Variants in PTPN3 observed in about 807,000 individuals in gnomAD.
PTPN3 encodes the protein tyrosine-protein phosphatase non-receptor type 3.
PTPN3 carries 96 observed loss-of-function variants against 132.7 expected under a neutral mutation model. The ratio of observed to expected loss-of-function variants is 0.72; its 90% CI spans 0.61 to 0.86. The LOEUF is 0.86. Among genes scored for constraint, PTPN3 ranks in the 40% least tolerant of loss-of-function variants. PTPN3 has a pLI of 0.00. For synonymous variants in PTPN3, 398 were observed against 429.0 expected, an observed-to-expected ratio of 0.93 and a Z score of 0.89; for missense variants, 1,125 against 1,159.6, an observed-to-expected ratio of 0.97 and a Z score of 0.43.
At chr9:109,536,388 A>C in the PTPN3 span, among the ~76,000 whole-genome samples, 1 of 152,220 alleles carries the variant, frequency 6.6e-6, no homozygotes, top group African/African-American at 2.4e-5. Flanking sequence ...TGGGTCACAC[A>C]GTAATTCCGT....
chr9:109,422,708 G>A lies in PTPN3; in HGVS notation c.1136+10C>T, dbSNP rs1158642486. ...TGGGTAGTACAAAAAAAAAAAAAAG[G>A]AGGACATACCAGTTGGGAGTAATGG... On this transcript the variant is annotated intron_variant, in intron 13 of 25. Coordinates refer to ENST00000374541, the MANE Select transcript of PTPN3 (RefSeq NM_002829.4). 1.3e-6 allele frequency: 2 copies of A among 1,565,590 alleles called. No homozygotes were observed. The highest frequency in any genetic ancestry group is 1.2e-5 in the South Asian group (1 of 83,490).
intron 22 of PTPN3, among the ~76,000 whole-genome samples, chr9:109,383,763 C>A (rs1027694016): frequency 6.6e-6 from 1 of 152,162 alleles, no homozygotes; most frequent in African/African-American, 2.4e-5. Context: ...CGCTCAGCCC[C>A]AGGCTGCAGC....
intron 1 of PTPN3, among the ~76,000 whole-genome samples, chr9:109,490,147 C>T (rs1847392127): frequency 6.6e-6 from 1 of 151,994 alleles, no homozygotes; most frequent in African/African-American, 2.4e-5. Context: ...CGCGCCACTG[C>T]ACTCTAGCCT....
rs745847175 is a variant in PTPN3 at position 109,410,194 on chromosome 9, G to A, written c.1500+35C>T. Reference sequence around the variant, plus strand: ...CCCACAAGAGGCCGGGAAGCCCTGGGTGTGTGGATCACCCGGCTGCCTGCG... The same window carrying A: ...CCCACAAGAGGCCGGGAAGCCCTGGATGTGTGGATCACCCGGCTGCCTGCG... On this transcript the variant is annotated intron_variant, in intron 15 of 25. Transcript: ENST00000374541. 2.2e-5 allele frequency: 36 copies of A among 1,611,688 alleles called. No homozygotes were observed. The Admixed American group carries it at 5.5e-4, about 25-fold the overall frequency.
chr9:109,450,228 T>G (rs1845160591), intron 5 of PTPN3: 2 of 985,232 alleles, frequency 2.0e-6, no homozygotes, highest in Admixed American at 6.1e-5. Context: ...ATAACATACA[T>G]TTGCTGATTC....
At chr9:109,452,385 G>A (rs376848500) in intron 5 of PTPN3, among the ~76,000 whole-genome samples, 7 of 151,190 alleles carry the variant, frequency 4.6e-5, no homozygotes, top group South Asian at 2.1e-4. Context: ...ACTGTATTCT[G>A]AAACAAAATA....
At chr9:109,388,264 A>C (rs1839766573) in intron 22 of PTPN3, among the ~76,000 whole-genome samples, 1 of 152,198 alleles carries the variant, frequency 6.6e-6, no homozygotes, top group South Asian at 2.1e-4. Flanking sequence ...CTGTCATCCA[A>C]GAGTTTGCAA....
chr9:109,449,487 A>T (rs1323290169), intron 5 of PTPN3: 15 of 985,396 alleles, frequency 1.5e-5, no homozygotes, highest in Non-Finnish European at 1.8e-5. Context: ...AGCAAATGTA[A>T]CTTCCAAACT....
intron 7 of PTPN3, among the ~76,000 whole-genome samples, chr9:109,443,063 C>A (rs961602101): frequency 6.6e-6 from 1 of 150,770 alleles, no homozygotes; most frequent in African/African-American, 2.4e-5. Context: ...AACTGGCCAC[C>A]GGAGACATCA....
the PTPN3 span, among the ~76,000 whole-genome samples, chr9:109,510,576 A>AAAAAAAAAAATATATAT: frequency 6.3e-5 from 3 of 47,324 alleles, no homozygotes; most frequent in African/African-American, 2.2e-4. Flanking sequence ...AAAAAAAAAA[A>AAAAAAAAAAATATATAT]ATATATATAT....
chr9:109,453,845 TAAA>T lies in PTPN3; in HGVS notation c.368+648_368+650del, dbSNP rs11353536. On this transcript the variant is annotated intron_variant, in intron 5 of 25. Coordinates refer to ENST00000374541, the MANE Select transcript of PTPN3 (RefSeq NM_002829.4). ...GACGACATGGAAACCCCATCTCCGTTAAAAAAAAAAAAAAAAAAAATTAGCCAG... is the reference window on the plus strand; with the variant it reads ...GACGACATGGAAACCCCATCTCCGTTAAAAAAAAAAAAAAAAATTAGCCAG... Among the ~76,000 whole-genome samples the T allele has an allele frequency of 3.4e-3, 467 of 135,606 alleles. 1 individual carries two copies. Among genetic ancestry groups the T allele is most frequent in the African/African-American group, 8.7e-3 (315 of 36,332 alleles). 89.0% of individuals were successfully genotyped at this position (135,606 alleles called of 152,430 possible). A position where few individuals can be genotyped will look rare whatever the true frequency, so the allele number is the denominator to read the frequency against.
chr9:109,422,947 G>C, intron 12 of PTPN3, 95 bp from the exon 13 acceptor site: 2 of 1,463,628 alleles, frequency 1.4e-6, no homozygotes, highest in Non-Finnish European at 1.9e-6. Flanking sequence ...CTTCTTGTCT[G>C]AAGGACGGCA....
chr9:109,447,436 C>T (rs893262255), intron 6 of PTPN3, among the ~76,000 whole-genome samples: 3 of 152,124 alleles, frequency 2.0e-5, no homozygotes, highest in African/African-American at 2.4e-5. Context: ...AATGCTGCCT[C>T]ATGAAAGGGT....
At chr9:109,393,570 A>G (rs1450390076) in intron 19 of PTPN3, among the ~76,000 whole-genome samples, 2 of 151,888 alleles carry the variant, frequency 1.3e-5, no homozygotes. Flanking sequence ...TATTTTTAGT[A>G]GAGACAGGGT....
chr9:109,517,573 A>G, the PTPN3 span, among the ~76,000 whole-genome samples: 1 of 152,184 alleles, frequency 6.6e-6, no homozygotes, highest in Non-Finnish European at 1.5e-5. Context: ...CAAGCCTCAT[A>G]GGTATTTGAT....
chr9:109,428,645 G>T lies in PTPN3; in HGVS notation c.804C>A (p.Phe268Leu), dbSNP rs1564431249. The T allele has an allele frequency of 4.3e-6, 7 of 1,613,756 alleles. No homozygotes were observed. The highest frequency in any genetic ancestry group is 5.9e-6 in the Non-Finnish European group (7 of 1,179,808). ...CCTGTTTCTGTCGCTGATGTATGAA[G>T]AACTTTTTCCTTTTGAAAGAAATTT... ...ILKISFKRKK[F>L]FIHQRQKQAE... Residue 268 changes from phenylalanine to leucine, a missense_variant, in exon 11 of 26, where the codon TTC becomes TTA. Transcript: ENST00000374541.
At chr9:109,477,094 G>C (rs192659961) in intron 1 of PTPN3, among the ~76,000 whole-genome samples, 3 of 148,724 alleles carry the variant, frequency 2.0e-5, no homozygotes, top group Non-Finnish European at 4.4e-5. Flanking sequence ...AAGCTCAGGT[G>C]GGGGCATCAC....
chr9:109,412,060 GT>G, intron 14 of PTPN3, among the ~76,000 whole-genome samples: 1 of 152,274 alleles, frequency 6.6e-6, no homozygotes, highest in East Asian at 1.9e-4. Context: ...GGGTTTCACT[GT>G]TTACAAGAGC....
At chr9:109,482,831 G>A (rs1171079425) in intron 1 of PTPN3, among the ~76,000 whole-genome samples, 2 of 152,114 alleles carry the variant, frequency 1.3e-5, no homozygotes, top group African/African-American at 4.8e-5. Flanking sequence ...ACAAGTTACT[G>A]AACCTCACTG....
Sources: gnomAD v4.1 joint callset for allele counts (sites outside exome capture counted in the v4.1 genomes callset) on GRCh38, gnomAD v4.1.1 for gene constraint, MANE v1.5 for transcripts, NCBI Gene and HGNC (gene_info 2026-07-23, HGNC 2026-07-21) for gene names.